Variants in RSPH14 observed in about 807,000 individuals in gnomAD.
RSPH14 encodes radial spoke head 14 homolog, also known as rhabdoid tumor deletion region gene 1.
A neutral mutation model predicts 26.7 loss-of-function variants in RSPH14; 20 were observed. That is an observed-to-expected ratio of 0.75 (90% CI 0.53 to 1.09). RSPH14 has a LOEUF of 1.09. Among genes scored for constraint, RSPH14 ranks in the 50% least tolerant of loss-of-function variants. RSPH14 has a pLI of 0.00. For synonymous variants in RSPH14, 177 were observed against 189.3 expected, an observed-to-expected ratio of 0.93 and a Z score of 0.53; for missense variants, 449 against 457.2, an observed-to-expected ratio of 0.98 and a Z score of 0.16.
intron 3 of RSPH14, among the ~76,000 whole-genome samples, chr22:23,135,655 T>C (rs527790915): frequency 6.6e-6 from 1 of 152,106 alleles, no homozygotes; most frequent in South Asian, 2.1e-4. Context: ...GCAAAAAAAA[T>C]ATGATAGGAA....
At chr22:23,108,454 C>G (rs138998223) in intron 4 of RSPH14, among the ~76,000 whole-genome samples, 1 of 152,244 alleles carries the variant, frequency 6.6e-6, no homozygotes, top group African/African-American at 2.4e-5. Context: ...GCAAAGGCCT[C>G]GAGGTGACAG....
At chr22:23,132,373 T>C (rs2070374548) in intron 4 of RSPH14, among the ~76,000 whole-genome samples, 1 of 152,176 alleles carries the variant, frequency 6.6e-6, no homozygotes, top group African/African-American at 2.4e-5. Flanking sequence ...CAATCTGCCA[T>C]AAATCTTAAC....
the RSPH14 span, among the ~76,000 whole-genome samples, chr22:23,151,793 G>A: frequency 1.3e-5 from 2 of 152,208 alleles, no homozygotes; most frequent in Non-Finnish European, 2.9e-5. Context: ...GGTGGCGGCT[G>A]CTCTTGGGGA....
At chr22:23,157,270 A>G in the RSPH14 span, among the ~76,000 whole-genome samples, 1 of 139,876 alleles carries the variant, frequency 7.1e-6, no homozygotes, top group African/African-American at 2.7e-5. Flanking sequence ...TTTTTTTTTG[A>G]GCCTGAGTCT....
At chr22:23,117,627 G>A (rs757843921) in intron 4 of RSPH14, among the ~76,000 whole-genome samples, 11 of 152,232 alleles carry the variant, frequency 7.2e-5, no homozygotes, top group Non-Finnish European at 4.4e-5. Context: ...GCCCACTGGG[G>A]TGCCAGTGGT....
chr22:23,178,083 G>T, the RSPH14 span, among the ~76,000 whole-genome samples: 2 of 152,096 alleles, frequency 1.3e-5, no homozygotes, highest in East Asian at 3.9e-4. Context: ...TTACAGGCAT[G>T]GGCCACTGTG....
chr22:23,156,776 C>A, the RSPH14 span, among the ~76,000 whole-genome samples: 1 of 152,210 alleles, frequency 6.6e-6, no homozygotes, highest in Admixed American at 6.5e-5. Flanking sequence ...CCAGCTCTGC[C>A]CTGGTCGCAT....
rs528515662 is a variant in RSPH14, at chr22:23,116,301, G to A, written c.421+17725C>T. On this transcript the variant is annotated intron_variant, in intron 4 of 6. Coordinates refer to ENST00000216036, the MANE Select transcript of RSPH14 (RefSeq NM_014433.3). ...TGGAGGTGGAGCTGCGGGTGCAGAG[G>A]GAAAAAGACACCTGGGTCATGAAGG... 3.3e-5 allele frequency among the ~76,000 whole-genome samples: 5 copies of A among 152,380 alleles called. No homozygotes were observed. In the East Asian group the frequency reaches 9.6e-4, roughly 29 times the overall value.
At chr22:23,118,467 T>TCCCCCCCCCCC in intron 4 of RSPH14, among the ~76,000 whole-genome samples, 2 of 150,898 alleles carry the variant, frequency 1.3e-5, no homozygotes, top group African/African-American at 4.8e-5. Flanking sequence ...GCCTCCCTCT[T>TCCCCCCCCCCC]CCCCGCCCCG....
intron 4 of RSPH14, among the ~76,000 whole-genome samples, chr22:23,070,063 C>T (rs1417292311): frequency 6.6e-6 from 1 of 152,152 alleles, no homozygotes; most frequent in African/African-American, 2.4e-5. Flanking sequence ...CAGGCCTCAG[C>T]GCAGCGGAGT....
chr22:23,087,662 G>T (rs183710692), intron 4 of RSPH14, among the ~76,000 whole-genome samples: 1 of 152,316 alleles, frequency 6.6e-6, no homozygotes, highest in East Asian at 1.9e-4. Context: ...TGGTGGATGG[G>T]GGGTAGCCAG....
intron 4 of RSPH14, among the ~76,000 whole-genome samples, chr22:23,127,634 G>T (rs1256012289): frequency 6.6e-6 from 1 of 152,154 alleles, no homozygotes; most frequent in Non-Finnish European, 1.5e-5. Context: ...GAGACATACG[G>T]CTCACTGCAG....
At chr22:23,150,001 G>A, upstream of RSPH14, 3 of 1,322,902 alleles carry the variant, frequency 2.3e-6, no homozygotes, top group South Asian at 2.5e-5. Context: ...CTCACTGCTT[G>A]GCTACGAGGG....
At chr22:23,120,586 C>T (rs2069988785) in intron 4 of RSPH14, among the ~76,000 whole-genome samples, 2 of 152,168 alleles carry the variant, frequency 1.3e-5, no homozygotes, top group African/African-American at 4.8e-5. Flanking sequence ...TTAAAACCAT[C>T]TCAACTGTCA....
upstream of RSPH14, among the ~76,000 whole-genome samples, chr22:23,142,807 C>A (rs1354291613): frequency 6.6e-6 from 1 of 152,190 alleles, no homozygotes; most frequent in Non-Finnish European, 1.5e-5. Flanking sequence ...CCAGCCACCA[C>A]CTGCATAAAA....
chr22:23,093,093 C>T (rs975993724), intron 4 of RSPH14, among the ~76,000 whole-genome samples: 1 of 152,216 alleles, frequency 6.6e-6, no homozygotes, highest in Non-Finnish European at 1.5e-5. Flanking sequence ...GCTCATGGTT[C>T]GTGTGCATAT....
At chr22:23,112,454 G>A (rs574960625) in intron 4 of RSPH14, among the ~76,000 whole-genome samples, 2 of 152,284 alleles carry the variant, frequency 1.3e-5, no homozygotes, top group East Asian at 3.9e-4. Context: ...AGCATGCCAG[G>A]GTGCAGCCAG....
At chr22:23,076,380 A>G (rs1355725133) in intron 4 of RSPH14, among the ~76,000 whole-genome samples, 8 of 152,166 alleles carry the variant, frequency 5.3e-5, no homozygotes. Flanking sequence ...GTCATGCCTC[A>G]GTGGCCCTGT....
At chr22:23,160,748 G>T in the RSPH14 span, 1 of 1,290,678 alleles carries the variant, frequency 7.7e-7, no homozygotes, top group Non-Finnish European at 1.1e-6. Flanking sequence ...TGGGGTCATT[G>T]TTACTGTCAG....
Sources: gnomAD v4.1 joint callset for allele counts (sites outside exome capture counted in the v4.1 genomes callset) on GRCh38, gnomAD v4.1.1 for gene constraint, MANE v1.5 for transcripts, NCBI Gene and HGNC (gene_info 2026-07-23, HGNC 2026-07-21) for gene names.